The following NSL1 variants were observed in gnomAD, a reference collection of about 807,000 sequenced individuals.
NSL1 encodes the protein kinetochore-associated protein NSL1 homolog.
In NSL1, 11 loss-of-function variants were observed where a neutral mutation model predicts 25.4. The ratio of observed to expected loss-of-function variants is 0.43; its 90% CI spans 0.27 to 0.72. The LOEUF (loss-of-function observed/expected upper bound fraction) is 0.72, where lower values mean the gene tolerates loss of function less well. Ranked by LOEUF, NSL1 falls within the 30% of genes least tolerant of loss-of-function variation. The pLI, the probability that NSL1 is intolerant of heterozygous loss-of-function variation, is 0.19. For synonymous variants in NSL1, 118 were observed against 120.6 expected, an observed-to-expected ratio of 0.98 and a Z score of 0.14; for missense variants, 330 against 342.7, an observed-to-expected ratio of 0.96 and a Z score of 0.29.
rs1467980668 is a variant in NSL1, at chr1:212,735,929, TTC to T, written c.*2477_*2478del. On this transcript the variant is annotated 3_prime_UTR_variant, in exon 6 of 6. Coordinates refer to ENST00000366977, the MANE Select transcript of NSL1 (RefSeq NM_015471.4). Reference sequence around the variant, plus strand: ...TGTTTAAGCCACCCAGCCTGTGGTATTCTGTTATAGTAGCCTAAATAAACAAA... The same window carrying T: ...TGTTTAAGCCACCCAGCCTGTGGTATTGTTATAGTAGCCTAAATAAACAAA... 1.0e-6 allele frequency: 1 copy of T among 984,234 alleles called. No individual in the cohort carries two copies. The highest frequency in any genetic ancestry group is 1.2e-6 in the Non-Finnish European group (1 of 828,942). 61.0% of individuals were successfully genotyped at this position (984,234 alleles called of 1,614,324 possible).
rs1658152498 is a variant in NSL1 at position 212,734,427 on chromosome 1, A to G, written c.*3981T>C. On this transcript the variant is annotated 3_prime_UTR_variant, in exon 6 of 6. Transcript: ENST00000366977. ...AATATAAAACTTAAATAAAGTGCAG[A>G]AATTTTAAGTGTATAGTTCAACAAA... 6.6e-6 allele frequency among the ~76,000 whole-genome samples: 1 copy of G among 152,220 alleles called. No individual in the cohort carries two copies. Among genetic ancestry groups the G allele is most frequent in the Admixed American group, 6.5e-5 (1 of 15,286 alleles).
At chr1:212,776,084 G>C (rs1660353020) in intron 4 of NSL1, among the ~76,000 whole-genome samples, 1 of 152,106 alleles carries the variant, frequency 6.6e-6, no homozygotes, top group South Asian at 2.1e-4. Flanking sequence ...CAAAGTGCTG[G>C]GATTACAGGC....
At position 212,787,684 on chromosome 1, in the gene NSL1, A is replaced by G. The variant is rs755553700; in HGVS notation, c.235-47T>C. ...CAAGTCACTAAAAATAATTTTAAAT[A>G]CTAAATTCAAACGTTTTAGCAAAAT... On this transcript the variant is annotated intron_variant, in intron 1 of 5. Transcript: ENST00000366977. 13 of 1,343,986 alleles carry G rather than the reference A, an allele frequency of 9.7e-6. No individual in the cohort carries two copies. In the African/African-American group the frequency reaches 1.8e-4, roughly 18 times the overall value. The allele number at this position is 1,343,986 out of a possible 1,614,324, so 83.3% of individuals were successfully genotyped here.
chr1:212,759,400 GAAC>G (rs1659455589), intron 4 of NSL1, among the ~76,000 whole-genome samples: 1 of 152,070 alleles, frequency 6.6e-6, no homozygotes, highest in Admixed American at 6.5e-5. Flanking sequence ...CAGTGACAGG[GAAC>G]AACTGAGGCA....
chr1:212,746,311 A>G (rs1343690273), intron 4 of NSL1, among the ~76,000 whole-genome samples: 1 of 152,218 alleles, frequency 6.6e-6, no homozygotes, highest in Non-Finnish European at 1.5e-5. Context: ...AGTTCTATAC[A>G]GTATTAAAAC....
In NSL1 at chr1:212,791,697, C is replaced by G. The variant is rs1044610411; in HGVS notation, c.67G>C (p.Glu23Gln). ...PWDKELAAGT[E>Q]SQALVSATPR... Reference sequence around the variant, plus strand: ...GTGGCGGAGACCAAGGCCTGGCTCTCTGTGCCAGCCGCGAGCTCCTTGTCC... The same window carrying G: ...GTGGCGGAGACCAAGGCCTGGCTCTGTGTGCCAGCCGCGAGCTCCTTGTCC... The change falls in exon 1 of 6, where the codon GAG (glutamate) becomes CAG (glutamine). Residue 23 changes from glutamate (E) to glutamine (Q), a missense_variant. Transcript: ENST00000366977. The G allele has an allele frequency of 5.0e-6, 8 of 1,613,854 alleles. No individual in the cohort carries two copies. The highest frequency in any genetic ancestry group is 1.1e-5 in the South Asian group (1 of 91,084).
At chr1:212,786,133 TAGAG>T (rs869066221) in intron 2 of NSL1, among the ~76,000 whole-genome samples, 9 of 78,974 alleles carry the variant, frequency 1.1e-4, no homozygotes, top group African/African-American at 1.9e-4. Context: ...GATAGATAGA[TAGAG>T]AGAGAGACAC....
In NSL1 at chr1:212,737,588, G is replaced by A. The variant is rs7522100; in HGVS notation, c.*820C>T. ...CTGATATATAAACATCTTCAAATGT[G>A]AAATAGTTCAATAACACAATGACAC... On this transcript the variant is annotated 3_prime_UTR_variant, in exon 6 of 6. Coordinates refer to ENST00000366977, the MANE Select transcript of NSL1 (RefSeq NM_015471.4). 648,596 of 963,242 alleles carry A rather than the reference G, an allele frequency of 0.67. 219,285 individuals carry two copies. The highest frequency in any genetic ancestry group is 0.68 in the Non-Finnish European group (552,167 of 809,778). 59.7% of individuals were successfully genotyped at this position (963,242 alleles called of 1,614,324 possible).
intron 4 of NSL1, among the ~76,000 whole-genome samples, chr1:212,764,881 A>AAAAAAAG (rs1659735210): frequency 1.1e-5 from 1 of 93,680 alleles, no homozygotes; most frequent in South Asian, 3.2e-4. Context: ...AGAAAGAAAG[A>AAAAAAAG]AAAAAAAAAG....
chr1:212,736,775 T>G lies in NSL1; in HGVS notation c.*1633A>C, dbSNP rs1056894868. On this transcript the variant is annotated 3_prime_UTR_variant, in exon 6 of 6. Coordinates refer to ENST00000366977, the MANE Select transcript of NSL1 (RefSeq NM_015471.4). Reference sequence around the variant, plus strand: ...AGATTCAACATTAACAGGATTTTTGTCACATTTCCTTAATCGATTCCTTGT... The same window carrying G: ...AGATTCAACATTAACAGGATTTTTGGCACATTTCCTTAATCGATTCCTTGT... 1.0e-6 allele frequency: 1 copy of G among 984,950 alleles called. No homozygotes were observed. Among genetic ancestry groups the G allele is most frequent in the African/African-American group, 1.7e-5 (1 of 57,242 alleles). The allele number at this position is 984,950 out of a possible 1,614,324, so 61.0% of individuals were successfully genotyped here.
Position 212,735,529 on chromosome 1 carries a change from G to A in NSL1, c.*2879C>T, listed in dbSNP as rs997412692. ...ATAAAGGGCCAGGGAAAGAGGTCTA[G>A]GATAAGATTTTCTGTGGGCTTGTGT... On this transcript the variant is annotated 3_prime_UTR_variant, in exon 6 of 6. Coordinates refer to ENST00000366977, the MANE Select transcript of NSL1 (RefSeq NM_015471.4). 1.0e-6 allele frequency: 1 copy of A among 985,412 alleles called. No individual in the cohort carries two copies. The highest frequency in any genetic ancestry group is 1.2e-6 in the Non-Finnish European group (1 of 829,934). The allele number at this position is 985,412 out of a possible 1,614,324, so 61.0% of individuals were successfully genotyped here.
chr1:212,726,329 A>C lies in NSL1; in HGVS notation c.*12079T>G, dbSNP rs564538450. On this transcript the variant is annotated 3_prime_UTR_variant, in exon 6 of 6. Coordinates refer to ENST00000366977, the MANE Select transcript of NSL1 (RefSeq NM_015471.4). ...TACTCTACTCAGTAGGAAGAAAAAA[A>C]CCCACAAAACAATAGCATTAGTTCA... 2.6e-5 allele frequency: 4 copies of C among 152,368 alleles called. No individual in the cohort carries two copies. Among genetic ancestry groups the C allele is most frequent in the South Asian group, 4.1e-4 (2 of 4,822 alleles). 9.4% of individuals were successfully genotyped at this position (152,368 alleles called of 1,614,324 possible).
At chr1:212,752,365 G>C (rs1267700792) in intron 4 of NSL1, among the ~76,000 whole-genome samples, 1 of 152,106 alleles carries the variant, frequency 6.6e-6, no homozygotes, top group Non-Finnish European at 1.5e-5. Context: ...TAAATATTGT[G>C]ACAGTGGCTT....
chr1:212,761,616 T>A (rs1333504317), intron 4 of NSL1, among the ~76,000 whole-genome samples: 2 of 151,896 alleles, frequency 1.3e-5, no homozygotes. Flanking sequence ...CCTGGGACCC[T>A]GTCTGAAAAA....
intron 4 of NSL1, among the ~76,000 whole-genome samples, chr1:212,744,966 T>C (rs536246561): frequency 1.3e-5 from 2 of 152,006 alleles, no homozygotes; most frequent in African/African-American, 2.4e-5. Flanking sequence ...TGAAACCCCG[T>C]CTCTACTAAA....
rs899399174 is a variant in NSL1, at chr1:212,791,652, C to G, written c.112G>C (p.Val38Leu). The change falls in exon 1 of 6, where the codon GTG (valine) becomes CTG (leucine). Residue 38 changes from valine to leucine, a missense_variant. Physicochemically the swap from Val to Leu is conservative, Grantham distance 32 (BLOSUM62 1). Coordinates refer to ENST00000366977, the MANE Select transcript of NSL1 (RefSeq NM_015471.4). ...VSATPREDFR[V>L]RCTSKRAVTE... ...ACAGCCCGCTTCGAGGTGCAGCGCA[C>G]CCGAAAGTCTTCTCGGGGAGTGGCG... 1 of 1,613,878 alleles carries G rather than the reference C, an allele frequency of 6.2e-7. No individual in the cohort carries two copies. The highest frequency in any genetic ancestry group is 1.3e-5 in the African/African-American group (1 of 74,912).
chr1:212,775,850 C>T (rs111659918), intron 4 of NSL1, among the ~76,000 whole-genome samples: 2,736 of 151,264 alleles, frequency 0.018, 70 homozygotes, highest in African/African-American at 0.06. Context: ...TTTTTTGAGA[C>T]GGAGTCTCAC....
At chr1:212,758,435 A>C (rs925373161) in intron 4 of NSL1, among the ~76,000 whole-genome samples, 5 of 152,230 alleles carry the variant, frequency 3.3e-5, no homozygotes, top group African/African-American at 9.6e-5. Flanking sequence ...CAACTATTAG[A>C]ACTAATAAAT....
At chr1:212,762,306 CA>C (rs71147025) in intron 4 of NSL1, among the ~76,000 whole-genome samples, 39,237 of 115,226 alleles carry the variant, frequency 0.34, 4,971 homozygotes, top group Middle Eastern at 0.42. Flanking sequence ...TTAAAAGAAA[CA>C]AAAAAAAAAA....
Sources: allele counts gnomAD v4.1 joint callset (sites outside exome capture counted in the v4.1 genomes callset), GRCh38; gene constraint gnomAD v4.1.1; transcripts MANE v1.5; gene names NCBI Gene and HGNC (gene_info 2026-07-23, HGNC 2026-07-21).